RBFOX1: variants seen among roughly 807,000 people sequenced by gnomAD.
RBFOX1 encodes the protein RNA binding protein fox-1 homolog 1.
A neutral mutation model predicts 57.7 loss-of-function variants in RBFOX1; 8 were observed. The ratio of observed to expected loss-of-function variants is 0.14; its 90% CI spans 0.08 to 0.25. RBFOX1 has a LOEUF of 0.25. Ranked by LOEUF, RBFOX1 falls within the 10% of genes least tolerant of loss-of-function variation. RBFOX1 has a pLI of 1.00. For synonymous variants in RBFOX1, 326 were observed against 222.4 expected (o/e 1.47, Z -4.15); for missense variants, 611 against 548.5 (o/e 1.11, Z -1.14).
intron 2 of RBFOX1, among the ~76,000 whole-genome samples, chr16:6,568,930 G>A (rs2097305525): frequency 6.6e-6 from 1 of 152,026 alleles, no homozygotes; most frequent in Non-Finnish European, 1.5e-5. Context: ...GTGCCATTAT[G>A]CCCACGTGAT....
intron 3 of RBFOX1, among the ~76,000 whole-genome samples, chr16:7,036,619 T>G (rs1343438505): frequency 2.0e-5 from 3 of 151,346 alleles, no homozygotes; most frequent in Admixed American, 1.3e-4. Context: ...CTTGAAACCG[T>G]AAGGCGGAGG....
chr16:5,494,027 G>A (rs1390649670), intron 2 of RBFOX1, among the ~76,000 whole-genome samples: 2 of 152,212 alleles, frequency 1.3e-5, no homozygotes, highest in Non-Finnish European at 2.9e-5. Context: ...AGACTCACGA[G>A]GTGATTTACT....
chr16:5,397,151 G>A lies in RBFOX1; in HGVS notation c.220-70065G>A, dbSNP rs12325129. ...AAGCAAGAGCAAAGTGAAACCACAGGTGTCTGGTCATTTAAAGTCACCCTG... is the reference window on the plus strand; with the variant it reads ...AAGCAAGAGCAAAGTGAAACCACAGATGTCTGGTCATTTAAAGTCACCCTG... On this transcript the variant is annotated intron_variant, in intron 1 of 2. Coordinates refer to the RBFOX1 transcript ENST00000585867. 5.8e-3 allele frequency among the ~76,000 whole-genome samples: 882 copies of A among 152,278 alleles called. 5 individuals carry two copies. Among genetic ancestry groups the A allele is most frequent in the African/African-American group, 0.019 (795 of 41,560 alleles).
At chr16:7,238,858 A>G (rs1251431371) in intron 4 of RBFOX1, among the ~76,000 whole-genome samples, 5 of 152,032 alleles carry the variant, frequency 3.3e-5, no homozygotes, top group African/African-American at 9.7e-5. Flanking sequence ...TGTTTTTATC[A>G]TTTAGCTCCC....
chr16:5,343,530 C>G (rs1181731748), intron 1 of RBFOX1, among the ~76,000 whole-genome samples: 1 of 151,738 alleles, frequency 6.6e-6, no homozygotes, highest in Non-Finnish European at 1.5e-5. Context: ...ACCGTGTTAC[C>G]CAGGATGGTC....
intron 4 of RBFOX1, among the ~76,000 whole-genome samples, chr16:7,190,593 G>A (rs954635794): frequency 1.3e-5 from 2 of 152,038 alleles, no homozygotes; most frequent in Admixed American, 1.3e-4. Flanking sequence ...AAGAGGGTAG[G>A]TGTAGTACTG....
intron 2 of RBFOX1, among the ~76,000 whole-genome samples, chr16:5,570,159 C>A (rs1017588010): frequency 1.3e-5 from 2 of 152,150 alleles, no homozygotes; most frequent in African/African-American, 4.8e-5. Flanking sequence ...ATTGTTGGTT[C>A]TTCCTTATGT....
intron 1 of RBFOX1, among the ~76,000 whole-genome samples, chr16:6,082,905 C>A (rs979560847): frequency 6.6e-6 from 1 of 152,276 alleles, no homozygotes; most frequent in South Asian, 2.1e-4. Context: ...TAGCCCATAG[C>A]ACCCCTGCTC....
chr16:6,384,595 CT>C (rs1289004166), intron 2 of RBFOX1, among the ~76,000 whole-genome samples: 2 of 152,142 alleles, frequency 1.3e-5, no homozygotes, highest in African/African-American at 2.4e-5. Context: ...GTAAACAGGG[CT>C]TTGGAGGTCA....
chr16:7,012,075 C>G (rs776668147), intron 3 of RBFOX1, among the ~76,000 whole-genome samples: 2 of 152,142 alleles, frequency 1.3e-5, no homozygotes, highest in Non-Finnish European at 1.5e-5. Context: ...GACTTTAGGT[C>G]AGACGTATGG....
At chr16:7,121,278 AAAAG>A (rs2067121603) in intron 4 of RBFOX1, among the ~76,000 whole-genome samples, 1 of 152,120 alleles carries the variant, frequency 6.6e-6, no homozygotes, top group African/African-American at 2.4e-5. Context: ...ATAAGGAAGA[AAAAG>A]AATTATAGAG....
intron 2 of RBFOX1, among the ~76,000 whole-genome samples, chr16:6,559,970 A>T (rs2097158094): frequency 6.6e-6 from 1 of 152,142 alleles, no homozygotes; most frequent in Admixed American, 6.6e-5. Context: ...CCACATGAAC[A>T]GACTTTTGTC....
At chr16:7,575,658 A>G (rs1431409409) in intron 5 of RBFOX1, among the ~76,000 whole-genome samples, 1 of 152,184 alleles carries the variant, frequency 6.6e-6, no homozygotes, top group Non-Finnish European at 1.5e-5. Flanking sequence ...TCTGTCCTCT[A>G]CAACTACAGG....
intron 3 of RBFOX1, among the ~76,000 whole-genome samples, chr16:5,730,009 G>A (rs1187259726): frequency 3.3e-5 from 5 of 152,314 alleles, no homozygotes; most frequent in South Asian, 2.1e-4. Flanking sequence ...CAAAGGGGGT[G>A]CCTCAAATCC....
chr16:7,586,686 G>A lies in RBFOX1; in HGVS notation c.415-561G>A, dbSNP rs1379281723. On this transcript the variant is annotated intron_variant, in intron 6 of 15. Transcript: ENST00000550418. The stretch of plus-strand genomic sequence containing the variant: ...TTAACAATGTGGAGAATTATCTTGA[G>A]AGAATTTCAGCCCAAGCACTGATCA... 2.0e-5 allele frequency among the ~76,000 whole-genome samples: 3 copies of A among 152,336 alleles called. 1 individual carries two copies. Among genetic ancestry groups the A allele is most frequent in the South Asian group, 4.1e-4 (2 of 4,828 alleles).
At chr16:6,497,020 G>A (rs114498343) in intron 2 of RBFOX1, among the ~76,000 whole-genome samples, 200 of 152,286 alleles carry the variant, frequency 1.3e-3, no homozygotes, top group African/African-American at 4.5e-3. Context: ...ACTACGAGAG[G>A]CACTGTGTCT....
At chr16:6,192,803 T>C (rs1342099616) in intron 1 of RBFOX1, among the ~76,000 whole-genome samples, 2 of 152,190 alleles carry the variant, frequency 1.3e-5, no homozygotes, top group Non-Finnish European at 2.9e-5. Context: ...TGTCATGCAC[T>C]AAAAGATTTC....
intron 14 of RBFOX1, among the ~76,000 whole-genome samples, chr16:7,705,205 C>T (rs368463599): frequency 7.8e-4 from 119 of 151,918 alleles, no homozygotes; most frequent in African/African-American, 2.6e-3. Flanking sequence ...TGTGCAGGAA[C>T]GATCAAGAAA....
chr16:6,896,008 A>T (rs1294295786), intron 3 of RBFOX1, among the ~76,000 whole-genome samples: 1 of 151,918 alleles, frequency 6.6e-6, no homozygotes, highest in Non-Finnish European at 1.5e-5. Flanking sequence ...TCAAATCATG[A>T]AGAATGGGAT....
Sources: allele counts gnomAD v4.1 joint callset (sites outside exome capture counted in the v4.1 genomes callset), GRCh38; gene constraint gnomAD v4.1.1; transcripts MANE v1.5; gene names NCBI Gene and HGNC (gene_info 2026-07-23, HGNC 2026-07-21).